Variants in C13orf46 observed in about 807,000 individuals in gnomAD.
C13orf46 encodes chromosome 13 open reading frame 46.
At chr13:113,945,618 A>G in the C13orf46 span, among the ~76,000 whole-genome samples, 3 of 104,432 alleles carry the variant, frequency 2.9e-5, no homozygotes, top group African/African-American at 6.9e-5. Flanking sequence ...GAAAGAAAGA[A>G]AGAAAGAAAG....
chr13:113,969,530 TCTCCA>T (rs1422339439), intron 2 of C13orf46, among the ~76,000 whole-genome samples: 1 of 152,224 alleles, frequency 6.6e-6, no homozygotes, highest in Non-Finnish European at 1.5e-5. Flanking sequence ...CCTTCCTTGG[TCTCCA>T]CTCAACGGGA....
At chr13:113,960,111 G>T (rs937997900) in intron 6 of C13orf46, among the ~76,000 whole-genome samples, 1 of 151,970 alleles carries the variant, frequency 6.6e-6, no homozygotes, top group Non-Finnish European at 1.5e-5. Flanking sequence ...AAAAAAATTA[G>T]CCAGACATGG....
intron 6 of C13orf46, among the ~76,000 whole-genome samples, chr13:113,963,197 G>A (rs981953215): frequency 6.8e-6 from 1 of 147,552 alleles, no homozygotes; most frequent in African/African-American, 2.5e-5. Context: ...GCCTCAGCCC[G>A]TCCTCAGCCT....
At position 113,955,208 on chromosome 13, in the gene C13orf46, A is replaced by G; in HGVS notation, c.*1565T>C. The G allele has an allele frequency of 4.9e-6, 1 of 203,256 alleles. No homozygotes were observed. The highest frequency in any genetic ancestry group is 9.7e-6 in the Non-Finnish European group (1 of 103,498). The allele number at this position is 203,256 out of a possible 1,614,324, so 12.6% of individuals were successfully genotyped here. On this transcript the variant is annotated 3_prime_UTR_variant, in exon 7 of 7. Coordinates refer to ENST00000636427, the MANE Select transcript of C13orf46 (RefSeq NM_001365455.2). The stretch of plus-strand genomic sequence containing the variant: ...TGGAGAGGAGGAGCATCCCGTGGAG[A>G]CGAGGAGCATCCCGTGGAGACGAGG...
intron 1 of C13orf46, among the ~76,000 whole-genome samples, chr13:113,970,951 G>C (rs1566424630): frequency 6.6e-6 from 1 of 152,178 alleles, no homozygotes. Context: ...TAAAGGTGTT[G>C]ACTGACTTGG....
downstream of C13orf46, among the ~76,000 whole-genome samples, chr13:113,953,047 C>T (rs935171131): frequency 6.6e-5 from 10 of 152,358 alleles, no homozygotes; most frequent in East Asian, 1.9e-3. Context: ...GGCTTGGCCT[C>T]ACCGCTGACC....
the C13orf46 span, among the ~76,000 whole-genome samples, chr13:113,937,049 T>C: frequency 6.6e-6 from 1 of 151,382 alleles, no homozygotes. Context: ...GCGGAAGGGT[T>C]ATTATCATTT....
At chr13:113,963,339 G>A (rs1364132470) in intron 6 of C13orf46, among the ~76,000 whole-genome samples, 3 of 48,110 alleles carry the variant, frequency 6.2e-5, no homozygotes, top group African/African-American at 1.7e-4. Flanking sequence ...CTCAGCCCTC[G>A]CCCCGTCCTC....
intron 1 of C13orf46, among the ~76,000 whole-genome samples, chr13:113,970,882 A>G (rs1163057546): frequency 6.6e-6 from 1 of 152,240 alleles, no homozygotes; most frequent in African/African-American, 2.4e-5. Flanking sequence ...CAGGAACCCA[A>G]GCCTGGCTGT....
the C13orf46 span, among the ~76,000 whole-genome samples, chr13:113,941,835 C>T: frequency 1.3e-5 from 2 of 152,210 alleles, no homozygotes; most frequent in East Asian, 1.9e-4. Context: ...CCTAGGCCTC[C>T]GCATGTCACC....
At chr13:113,959,949 T>A (rs2052574330) in intron 6 of C13orf46, among the ~76,000 whole-genome samples, 1 of 152,226 alleles carries the variant, frequency 6.6e-6, no homozygotes, top group African/African-American at 2.4e-5. Flanking sequence ...TATTTATATG[T>A]CCTTCTAAAG....
At chr13:113,957,306 G>C (rs1471496683) in intron 6 of C13orf46, among the ~76,000 whole-genome samples, 5 of 125,992 alleles carry the variant, frequency 4.0e-5, no homozygotes, top group African/African-American at 1.6e-4. Flanking sequence ...CCTGCACTCT[G>C]CACCCCCTTT....
the C13orf46 span, among the ~76,000 whole-genome samples, chr13:113,942,781 G>A: frequency 6.6e-6 from 1 of 152,154 alleles, no homozygotes; most frequent in Non-Finnish European, 1.5e-5. Flanking sequence ...GTTGGTGATC[G>A]GTCAGCCAGT....
intron 1 of C13orf46, among the ~76,000 whole-genome samples, chr13:113,972,741 T>C (rs764528492): frequency 3.9e-5 from 6 of 152,158 alleles, no homozygotes; most frequent in Admixed American, 6.5e-5. Context: ...TGCTGGTGGG[T>C]GAGGCCCAGA....
the C13orf46 span, among the ~76,000 whole-genome samples, chr13:113,937,524 G>A: frequency 1.1e-4 from 17 of 152,292 alleles, no homozygotes; most frequent in Middle Eastern, 3.4e-3. Flanking sequence ...TAAACCAAAA[G>A]GCGTCTGAGA....
At chr13:113,933,800 C>G in the C13orf46 span, among the ~76,000 whole-genome samples, 7 of 152,226 alleles carry the variant, frequency 4.6e-5, no homozygotes, top group Admixed American at 4.6e-4. Flanking sequence ...GTCCCACATT[C>G]CATTCCTCAG....
At chr13:113,965,886 A>AATGGTG (rs1231893963) in intron 5 of C13orf46, among the ~76,000 whole-genome samples, 2 of 99,460 alleles carry the variant, frequency 2.0e-5, no homozygotes, top group Non-Finnish European at 4.2e-5. Flanking sequence ...TGATGGTGGT[A>AATGGTG]ATGGTGATGG....
chr13:113,972,512 G>T (rs371359987), intron 1 of C13orf46, among the ~76,000 whole-genome samples: 80 of 152,286 alleles, frequency 5.3e-4, no homozygotes, highest in African/African-American at 1.9e-3. Flanking sequence ...GGAGGGGAGC[G>T]CCAGCTCGCA....
chr13:113,962,208 C>G (rs1222975420), intron 6 of C13orf46, among the ~76,000 whole-genome samples: 3 of 152,274 alleles, frequency 2.0e-5, no homozygotes, highest in African/African-American at 7.2e-5. Flanking sequence ...TCGAGACCAT[C>G]CTGGCTAACA....
Sources: allele counts gnomAD v4.1 joint callset (sites outside exome capture counted in the v4.1 genomes callset), GRCh38; gene constraint gnomAD v4.1.1; transcripts MANE v1.5; gene names NCBI Gene and HGNC (gene_info 2026-07-23, HGNC 2026-07-21).